Variants in PCDHA1 observed in about 807,000 individuals in gnomAD.
PCDHA1 encodes protocadherin alpha 1.
Under a neutral mutation model 61.3 loss-of-function variants are expected in PCDHA1, and 42 were observed. That is an observed-to-expected ratio of 0.69 (90% CI 0.54 to 0.89). The LOEUF is 0.89. PCDHA1 is among the 40% of genes least tolerant of loss of function. PCDHA1 has a pLI of 0.00. For synonymous variants in PCDHA1, 610 were observed against 553.8 expected (o/e 1.10, Z -1.43); for missense variants, 1,256 against 1,235.3 (o/e 1.02, Z -0.25).
intron 1 of PCDHA1, among the ~76,000 whole-genome samples, chr5:140,892,929 C>T (rs1259333006): frequency 2.6e-5 from 4 of 152,174 alleles, no homozygotes; most frequent in Non-Finnish European, 5.9e-5. Flanking sequence ...TTCCCAGCCT[C>T]TGATAAGCAC....
chr5:140,856,002 G>A, intron 1 of PCDHA1: 2 of 1,534,758 alleles, frequency 1.3e-6, no homozygotes, highest in African/African-American at 1.4e-5. Context: ...TCGTATGTGC[G>A]TTCTAGACCG....
In PCDHA1 at chr5:140,839,562, G is replaced by A. The variant is rs150033615; in HGVS notation, c.2394+50878G>A. 3.5e-3 allele frequency among the ~76,000 whole-genome samples: 533 copies of A among 151,978 alleles called. 7 individuals carry two copies. The highest frequency in any genetic ancestry group is 0.012 in the African/African-American group (497 of 41,442). ...ACACCACCATGCCCAACTAATTTTT[G>A]TATTTTTTGTAGAGATGGGGTCTTA... On this transcript the variant is annotated intron_variant, in intron 1 of 3. Coordinates refer to ENST00000504120, the MANE Select transcript of PCDHA1 (RefSeq NM_018900.4).
chr5:140,927,822 T>A (rs1554205109), intron 1 of PCDHA1: 1 of 1,614,152 alleles, frequency 6.2e-7, no homozygotes, highest in Admixed American at 1.7e-5. Context: ...AGGCATACAT[T>A]GAGGCGAGGG....
intron 1 of PCDHA1, among the ~76,000 whole-genome samples, chr5:140,898,172 G>A (rs1262400829): frequency 2.6e-5 from 4 of 152,162 alleles, no homozygotes; most frequent in African/African-American, 9.7e-5. Context: ...TTCTTTTGCT[G>A]TGCAGAAGCT....
At chr5:140,891,078 T>G (rs1554184657) in intron 1 of PCDHA1, among the ~76,000 whole-genome samples, 1 of 152,198 alleles carries the variant, frequency 6.6e-6, no homozygotes, top group Admixed American at 6.6e-5. Flanking sequence ...CAGTGTCTAC[T>G]GGTTTCCATT....
intron 1 of PCDHA1, among the ~76,000 whole-genome samples, chr5:140,920,225 G>A (rs80019196): frequency 2.9e-3 from 441 of 151,762 alleles, no homozygotes; most frequent in African/African-American, 0.01. Flanking sequence ...CACATTTATA[G>A]TATTATATAC....
rs1581752525 is a variant in PCDHA1 at position 140,818,154 on chromosome 5, C to G, written c.2394+29470C>G. On this transcript the variant is annotated intron_variant, in intron 1 of 3. Coordinates refer to ENST00000504120, the MANE Select transcript of PCDHA1 (RefSeq NM_018900.4). ...AGCAGTATGCCTTCAAATACGGCTT[C>G]TACTTCATATTTTCTCTTATATTCT... Among the ~76,000 whole-genome samples the G allele has an allele frequency of 2.0e-5, 3 of 152,284 alleles. No individual in the cohort carries two copies. In the South Asian group the frequency reaches 6.2e-4, roughly 32 times the overall value.
chr5:140,802,601 C>T (rs782521904), intron 1 of PCDHA1: 9 of 1,613,982 alleles, frequency 5.6e-6, no homozygotes, highest in East Asian at 2.2e-5. Flanking sequence ...AGGAGAACAA[C>T]CCGCCGGGCT....
chr5:141,009,634 G>A lies in PCDHA1; in HGVS notation c.2550G>A (p.Glu850=). The change falls in exon 4 of 4, where the codon GAG becomes GAA. Residue 850 remains glutamate (E), a synonymous_variant. Transcript: ENST00000504120. Reference sequence around the variant, plus strand: ...TAATGTTTTGTCTTTCAGAACCAGAGGCAGGAGAAGTGTCCCCTCCAGTCG... The same window carrying A: ...TAATGTTTTGTCTTTCAGAACCAGAAGCAGGAGAAGTGTCCCCTCCAGTCG... The part of the protein sequence containing the change: ...PTVSSATPEP[E]AGEVSPPVGA... The A allele has an allele frequency of 6.2e-7, 1 of 1,613,116 alleles. No individual in the cohort carries two copies. The highest frequency in any genetic ancestry group is 8.5e-7 in the Non-Finnish European group (1 of 1,179,406).
chr5:140,828,511 G>T lies in PCDHA1; in HGVS notation c.2394+39827G>T, dbSNP rs2150156254. ...TGTTCCCGGTAGAGGAACAAAGAGTGCTGATTTACGAATCTAGGCTGCCAG... is the reference window on the plus strand; with the variant it reads ...TGTTCCCGGTAGAGGAACAAAGAGTTCTGATTTACGAATCTAGGCTGCCAG... On this transcript the variant is annotated intron_variant, in intron 1 of 3. Transcript: ENST00000504120. 9 of 1,614,130 alleles carry T rather than the reference G, an allele frequency of 5.6e-6. No individual in the cohort carries two copies. The Admixed American group carries it at 1.3e-4, about 24-fold the overall frequency.
intron 1 of PCDHA1, among the ~76,000 whole-genome samples, chr5:140,871,917 C>T (rs1156778814): frequency 2.0e-5 from 3 of 152,178 alleles, no homozygotes; most frequent in Admixed American, 2.0e-4. Context: ...CTTGATATTT[C>T]CACATTGTTA....
chr5:140,981,446 T>C (rs1586884316), intron 2 of PCDHA1, among the ~76,000 whole-genome samples: 4 of 152,058 alleles, frequency 2.6e-5, no homozygotes, highest in Admixed American at 1.3e-4. Context: ...TGGTGGCGGG[T>C]GCCTGTAGTC....
Position 140,786,509 on chromosome 5 carries a change from C to A in PCDHA1, c.219C>A (p.Asp73Glu), listed in dbSNP as rs1273918716. Residue 73 changes from aspartate to glutamate, a missense_variant, in exon 1 of 4, where the codon GAC becomes GAA. By Grantham distance (45) the Asp-to-Glu change is conservative. Transcript: ENST00000504120. ...LFRVASKTHR[D>E]LLEVNLQNGI... ...GGGTGGCGTCCAAAACACACAGGGA[C>A]CTTCTGGAGGTAAATCTGCAGAATG... 10 of 1,613,862 alleles carry A rather than the reference C, an allele frequency of 6.2e-6. No homozygotes were observed. The highest frequency in any genetic ancestry group is 2.2e-5 in the East Asian group (1 of 44,904).
chr5:140,893,958 T>C (rs1391607597), intron 1 of PCDHA1, among the ~76,000 whole-genome samples: 2 of 152,228 alleles, frequency 1.3e-5, no homozygotes, highest in African/African-American at 4.8e-5. Flanking sequence ...ACTTTATTAG[T>C]CATTAGATAC....
At chr5:140,795,312 T>C (rs1249053122) in intron 1 of PCDHA1, 1 of 1,614,096 alleles carries the variant, frequency 6.2e-7, no homozygotes, top group African/African-American at 1.3e-5. Flanking sequence ...CGCTGCAGGT[T>C]TTCCATGTGG....
chr5:140,823,506 C>T (rs145855942), intron 1 of PCDHA1: 24 of 1,613,158 alleles, frequency 1.5e-5, no homozygotes, highest in Middle Eastern at 3.3e-4. Context: ...GCGCAGTGAG[C>T]GAGCTGGTGC....
rs2150311010 is a variant in PCDHA1 at position 140,841,095 on chromosome 5, A to G, written c.2394+52411A>G. On this transcript the variant is annotated intron_variant, in intron 1 of 3. Transcript: ENST00000504120. ...ATAGAAAGTGCATAGAAGAACCCAGATATTGCGGAAGTAATTCATGTAATC... is the reference window on the plus strand; with the variant it reads ...ATAGAAAGTGCATAGAAGAACCCAGGTATTGCGGAAGTAATTCATGTAATC... The G allele has an allele frequency of 8.8e-5, 50 of 569,466 alleles. 1 individual carries two copies. The highest frequency in any genetic ancestry group is 1.5e-4 in the Non-Finnish European group (49 of 329,750). The allele number at this position is 569,466 out of a possible 1,614,324, so 35.3% of individuals were successfully genotyped here. A position where few individuals can be genotyped will look rare whatever the true frequency, so the allele number is the denominator to read the frequency against.
intron 1 of PCDHA1, chr5:140,870,319 T>G (rs782623881): frequency 3.7e-6 from 6 of 1,614,162 alleles, no homozygotes; most frequent in Non-Finnish European, 5.1e-6. Flanking sequence ...TTACTACTCG[T>G]TGGTGCTGGA....
intron 3 of PCDHA1, among the ~76,000 whole-genome samples, chr5:140,987,510 C>A (rs1225122300): frequency 6.6e-6 from 1 of 152,184 alleles, no homozygotes; most frequent in Non-Finnish European, 1.5e-5. Flanking sequence ...ACCTCTGCCA[C>A]TCAGTAATTG....
Sources: allele counts gnomAD v4.1 joint callset (sites outside exome capture counted in the v4.1 genomes callset), GRCh38; gene constraint gnomAD v4.1.1; transcripts MANE v1.5; gene names NCBI Gene and HGNC (gene_info 2026-07-23, HGNC 2026-07-21).